Variants in ERO1B observed in about 807,000 individuals in gnomAD.
ERO1B encodes endoplasmic reticulum oxidoreductase 1 beta.
ERO1B carries 49 observed loss-of-function variants against 75.3 expected under a neutral mutation model. That is an observed-to-expected ratio of 0.65 (90% CI 0.52 to 0.83). The LOEUF (loss-of-function observed/expected upper bound fraction) is 0.83, where lower values mean the gene tolerates loss of function less well. Among genes scored for constraint, ERO1B ranks in the 40% least tolerant of loss-of-function variants. ERO1B has a pLI of 0.00. For synonymous variants in ERO1B, 191 were observed against 192.9 expected (o/e 0.99, Z 0.08); for missense variants, 512 against 560.1 (o/e 0.91, Z 0.87).
At chr1:236,232,442 A>G (rs956069237) in intron 9 of ERO1B, among the ~76,000 whole-genome samples, 16 of 152,216 alleles carry the variant, frequency 1.1e-4, no homozygotes, top group African/African-American at 3.9e-4. Context: ...ATTAAGTATT[A>G]TATTGATACC....
chr1:236,230,611 CAAAAAAAAAAAAAAA>C, intron 9 of ERO1B, among the ~76,000 whole-genome samples: 1 of 58,600 alleles, frequency 1.7e-5, no homozygotes, highest in East Asian at 3.9e-4. Flanking sequence ...GACCCTGTCT[CAAAAAAAAAAAAAAA>C]AAAAAAAAAA....
At chr1:236,221,002 A>C in intron 14 of ERO1B, 37 bp from the exon 15 acceptor site, 11 of 1,415,336 alleles carry the variant, frequency 7.8e-6, no homozygotes, top group Non-Finnish European at 1.0e-5. Context: ...ATTAACTTTA[A>C]ATAATAATAA....
At position 236,249,935 on chromosome 1, in the gene ERO1B, T is replaced by C. The variant is rs1021773824; in HGVS notation, c.381A>G (p.Leu127=). The C allele has an allele frequency of 6.2e-6, 10 of 1,603,890 alleles. No homozygotes were observed. In the Admixed American group the frequency reaches 1.2e-4, roughly 19 times the overall value. ...GTTTATTAGCTTGCTCACAATCTTC[T>C]AATTCTTTGGTATTGTTTGCCATTT... ...YLKMANNTKE[L]EDCEQANKLG... is the part of the protein sequence containing the mutation. Residue 127 remains leucine (L), a synonymous_variant, in exon 5 of 16, where the codon TTA becomes TTG. Transcript: ENST00000354619.
Position 236,218,585 on chromosome 1 carries a change from G to C in ERO1B, c.1344-9C>G, listed in dbSNP as rs988816904. ...TTATACTTGTAGAAAGCCTATGGAA[G>C]AAAGAAAAAGCTTATTAGTAAGGCT... On this transcript the variant is annotated splice_polypyrimidine_tract_variant and intron_variant, in intron 15 of 15. Coordinates refer to ENST00000354619, the MANE Select transcript of ERO1B (RefSeq NM_019891.4). 1.0e-5 allele frequency: 14 copies of C among 1,350,158 alleles called. No individual in the cohort carries two copies. In the Admixed American group the frequency reaches 1.4e-4, roughly 14 times the overall value. The allele number at this position is 1,350,158 out of a possible 1,614,324, so 83.6% of individuals were successfully genotyped here.
In ERO1B at chr1:236,249,918, G is replaced by C; in HGVS notation, c.398C>G (p.Ala133Gly). The C allele has an allele frequency of 6.2e-7, 1 of 1,601,536 alleles. No individual in the cohort carries two copies. Among genetic ancestry groups the C allele is most frequent in the East Asian group, 2.3e-5 (1 of 44,262 alleles). The change falls in exon 5 of 16, where the codon GCT (alanine) becomes GGT (glycine). Residue 133 changes from alanine to glycine, a missense_variant. Ala to Gly is a moderately conservative substitution (Grantham distance 60). Transcript: ENST00000354619. ...GCTGTTAATTGCTCCCAGTTTATTAGCTTGCTCACAATCTTCTAATTCTTT... is the reference window on the plus strand; with the variant it reads ...GCTGTTAATTGCTCCCAGTTTATTACCTTGCTCACAATCTTCTAATTCTTT... Reference protein sequence around the residue: ...NTKELEDCEQANKLGAINSTL... With the variant: ...NTKELEDCEQGNKLGAINSTL...
rs202150748 is a variant in ERO1B at position 236,218,350 on chromosome 1, GATA to G, written c.*163_*165del. The G allele has an allele frequency of 2.7e-3, 1,231 of 455,506 alleles. 8 individuals are homozygous for G. Among genetic ancestry groups the G allele is most frequent in the African/African-American group, 0.023 (1,104 of 48,588 alleles). 28.2% of individuals were successfully genotyped at this position (455,506 alleles called of 1,614,324 possible). A position where few individuals can be genotyped will look rare whatever the true frequency, so the allele number is the denominator to read the frequency against. On this transcript the variant is annotated 3_prime_UTR_variant, in exon 16 of 16. Coordinates refer to ENST00000354619, the MANE Select transcript of ERO1B (RefSeq NM_019891.4). Reference sequence around the variant, plus strand: ...ACTTCATTTATAAATATCTCTAGTTGATAATAATCTATTAAGAATCATAAATAT... The same window carrying G: ...ACTTCATTTATAAATATCTCTAGTTGATAATCTATTAAGAATCATAAATAT...
chr1:236,281,606 G>C (rs1049248553), intron 1 of ERO1B, 76 bp downstream of exon 1: 48 of 727,404 alleles, frequency 6.6e-5, no homozygotes, highest in Non-Finnish European at 8.5e-5. Context: ...CCCTCCCCGC[G>C]TCACAGCCGC....
chr1:236,281,585 G>A, intron 1 of ERO1B, 97 bp downstream of exon 1: 1 of 917,860 alleles, frequency 1.1e-6, no homozygotes, highest in Non-Finnish European at 1.5e-6. Context: ...TTCTGGCCCG[G>A]CCCTGCCCGG....
chr1:236,236,660 C>T (rs1353984516), intron 6 of ERO1B, among the ~76,000 whole-genome samples: 1 of 152,186 alleles, frequency 6.6e-6, no homozygotes, highest in Non-Finnish European at 1.5e-5. Context: ...AGTAATATAA[C>T]ATCCCCTTCA....
chr1:236,232,887 C>T, intron 8 of ERO1B, 48 bp from the exon 9 acceptor site: 1 of 1,481,626 alleles, frequency 6.7e-7, no homozygotes, highest in Non-Finnish European at 9.2e-7. Context: ...TCTTACATAG[C>T]TCAGATCCCA....
chr1:236,230,291 A>AT, intron 9 of ERO1B, 41 bp from the exon 10 acceptor site: 1 of 1,495,140 alleles, frequency 6.7e-7, no homozygotes. Flanking sequence ...TTATATGGTC[A>AT]TTTATAAAGT....
intron 6 of ERO1B, among the ~76,000 whole-genome samples, chr1:236,238,695 A>T (rs1053172443): frequency 4.6e-5 from 7 of 151,678 alleles, no homozygotes; most frequent in Non-Finnish European, 7.4e-5. Context: ...ATATAACATT[A>T]ATTTATGTTC....
Position 236,279,436 on chromosome 1 carries a change from G to A in ERO1B, c.102+2246C>T, listed in dbSNP as rs889716353. Among the ~76,000 whole-genome samples the A allele has an allele frequency of 4.8e-5, 7 of 144,864 alleles. 1 individual carries two copies. The South Asian group carries it at 1.3e-3, about 28-fold the overall frequency. On this transcript the variant is annotated intron_variant, in intron 1 of 15. Coordinates refer to ENST00000354619, the MANE Select transcript of ERO1B (RefSeq NM_019891.4). ...AAGAATCACTTGAACCCAGGAGGTG[G>A]AGGCTGCACTGAGCCAAGATGGCGC...
chr1:236,280,823 G>T (rs541224213), intron 1 of ERO1B, among the ~76,000 whole-genome samples: 2 of 152,250 alleles, frequency 1.3e-5, no homozygotes, highest in East Asian at 3.9e-4. Context: ...CAGCAGTGCT[G>T]CCTCCTTGCA....
chr1:236,243,592 CAGTT>C, intron 5 of ERO1B, 97 bp from the exon 6 acceptor site: 1 of 750,622 alleles, frequency 1.3e-6, no homozygotes, highest in Non-Finnish European at 2.1e-6. Context: ...AATCTGAGGT[CAGTT>C]AAAGATTAGA....
In ERO1B at chr1:236,225,107, A is replaced by G. The variant is rs1664247704; in HGVS notation, c.1085T>C (p.Met362Thr). The G allele has an allele frequency of 1.2e-6, 2 of 1,613,896 alleles. No individual in the cohort carries two copies. The highest frequency in any genetic ancestry group is 2.2e-5 in the South Asian group (2 of 91,088). ...SFPMHFDEKS[M>T]FAGDKKGAKS... ...GGCCCCTTTTTTGTCACCTGCAAACATGGATTTCTCATCAAAGTGCATGGG... is the reference window on the plus strand; with the variant it reads ...GGCCCCTTTTTTGTCACCTGCAAACGTGGATTTCTCATCAAAGTGCATGGG... Residue 362 changes from methionine (M) to threonine (T), a missense_variant, in exon 13 of 16, where the codon ATG becomes ACG. Physicochemically the swap from Met to Thr is moderately conservative, Grantham distance 81. Transcript: ENST00000354619.
intron 14 of ERO1B, 74 bp from the exon 15 acceptor site, chr1:236,221,039 T>C (rs1316100298): frequency 2.7e-6 from 3 of 1,123,814 alleles, no homozygotes; most frequent in South Asian, 2.5e-5. Flanking sequence ...AAGGAATATA[T>C]AGCCACTGTT....
chr1:236,219,016 T>C (rs1231148018), intron 15 of ERO1B, among the ~76,000 whole-genome samples: 1 of 152,142 alleles, frequency 6.6e-6, no homozygotes, highest in Non-Finnish European at 1.5e-5. Flanking sequence ...TTGATGCTTA[T>C]AGTATTCAGT....
chr1:236,222,528 T>C (rs2102938259), intron 13 of ERO1B, among the ~76,000 whole-genome samples: 1 of 152,366 alleles, frequency 6.6e-6, no homozygotes, highest in East Asian at 1.9e-4. Context: ...ATTAATTCAC[T>C]TTCCACTGAG....
Sources: allele counts gnomAD v4.1 joint callset (sites outside exome capture counted in the v4.1 genomes callset), GRCh38; gene constraint gnomAD v4.1.1; transcripts MANE v1.5; gene names NCBI Gene and HGNC (gene_info 2026-07-23, HGNC 2026-07-21).